IPO7: variants seen among roughly 807,000 people sequenced by gnomAD.
The protein encoded by IPO7 is importin-7.
IPO7 carries 13 observed loss-of-function variants against 136.4 expected under a neutral mutation model. The observed-to-expected ratio is 0.10, with a 90% CI of 0.06 to 0.15. The LOEUF (loss-of-function observed/expected upper bound fraction) is 0.15. Ranked by LOEUF, IPO7 falls within the 10% of genes least tolerant of loss-of-function variation. The probability of loss-of-function intolerance (pLI) is 1.00; values close to 1 mark genes in which losing one functional copy is unlikely to be tolerated. For missense variants in IPO7, 857 were observed against 1,240.6 expected (o/e 0.69, Z 4.65); for synonymous variants, 403 against 404.4 (o/e 1.00, Z 0.04).
At chr11:9,435,659 G>A (rs1379704202) in intron 19 of IPO7, among the ~76,000 whole-genome samples, 1 of 151,922 alleles carries the variant, frequency 6.6e-6, no homozygotes, top group Non-Finnish European at 1.5e-5. Flanking sequence ...TAATATTCTG[G>A]GAGCAGAGAT....
At chr11:9,390,122 C>G (rs545448353) in intron 1 of IPO7, among the ~76,000 whole-genome samples, 1 of 152,214 alleles carries the variant, frequency 6.6e-6, no homozygotes, top group African/African-American at 2.4e-5. Context: ...AACTCCTGAC[C>G]TCAGGTGATC....
intron 1 of IPO7, 143 bp downstream of exon 1, chr11:9,384,990 C>A: frequency 1.5e-6 from 1 of 650,260 alleles, no homozygotes; most frequent in South Asian, 1.9e-5. Flanking sequence ...ACGGCGACTT[C>A]CACGCCGGGG....
intron 23 of IPO7, among the ~76,000 whole-genome samples, chr11:9,441,007 T>G (rs1855453684): frequency 6.6e-6 from 1 of 152,238 alleles, no homozygotes; most frequent in South Asian, 2.1e-4. Context: ...TGTTATTATT[T>G]GTGTGTATCC....
intron 1 of IPO7, among the ~76,000 whole-genome samples, chr11:9,390,217 G>C (rs777762225): frequency 3.4e-4 from 51 of 152,066 alleles, no homozygotes; most frequent in Admixed American, 1.3e-3. Flanking sequence ...ACAGGCAGCA[G>C]TGCTACTTTC....
chr11:9,439,433 T>TA (rs1262998959), intron 22 of IPO7, among the ~76,000 whole-genome samples: 1 of 152,040 alleles, frequency 6.6e-6, no homozygotes, highest in South Asian at 2.1e-4. Flanking sequence ...CCCATTTCTT[T>TA]AAAAAAAGTT....
chr11:9,424,890 C>T (rs760880234), intron 10 of IPO7, 24 bp from the exon 11 acceptor site: 1 of 1,409,572 alleles, frequency 7.1e-7, no homozygotes, highest in Non-Finnish European at 9.9e-7. Context: ...TGTTTATTGT[C>T]TTAATTTTAA....
At chr11:9,407,735 G>A (rs925443157) in intron 2 of IPO7, among the ~76,000 whole-genome samples, 3 of 152,072 alleles carry the variant, frequency 2.0e-5, no homozygotes, top group Non-Finnish European at 4.4e-5. Flanking sequence ...AGAGAAGATC[G>A]AGTGTTTTGC....
At position 9,429,662 on chromosome 11, in the gene IPO7, T is replaced by C; in HGVS notation, c.1592-12T>C. On this transcript the variant is annotated splice_polypyrimidine_tract_variant and intron_variant, in intron 14 of 24. Coordinates refer to ENST00000379719, the MANE Select transcript of IPO7 (RefSeq NM_006391.3). ...GGGGTTTTACGCAAGTTTTTTACTC[T>C]TTCTCTTACAGCTAAAGAATATATC... The C allele has an allele frequency of 6.3e-7, 1 of 1,594,222 alleles. No individual in the cohort carries two copies. The highest frequency in any genetic ancestry group is 1.2e-5 in the South Asian group (1 of 86,536).
At chr11:9,392,494 G>T (rs1469054543) in intron 1 of IPO7, among the ~76,000 whole-genome samples, 1 of 151,942 alleles carries the variant, frequency 6.6e-6, no homozygotes, top group Non-Finnish European at 1.5e-5. Context: ...AACAAGAAAG[G>T]TTAGAAGTTC....
intron 1 of IPO7, among the ~76,000 whole-genome samples, chr11:9,402,399 CAAAAAAAAAAAAA>C (rs71062846): frequency 4.5e-5 from 2 of 44,898 alleles, no homozygotes; most frequent in African/African-American, 1.2e-4. Flanking sequence ...GACTGTGTCT[CAAAAAAAAAAAAA>C]AAAAAAAAAA....
chr11:9,422,018 G>A (rs952116942), intron 8 of IPO7, among the ~76,000 whole-genome samples: 69 of 152,082 alleles, frequency 4.5e-4, no homozygotes, highest in African/African-American at 1.6e-3. Context: ...GGTGGCTCAC[G>A]CCTATAATCC....
chr11:9,425,443 A>C (rs753214159), intron 12 of IPO7, 181 bp downstream of exon 12: 2 of 558,766 alleles, frequency 3.6e-6, no homozygotes, highest in Non-Finnish European at 6.3e-6. Context: ...CCCCATCTCT[A>C]TAAGGATAAA....
intron 1 of IPO7, among the ~76,000 whole-genome samples, chr11:9,392,642 A>G (rs1854652539): frequency 6.6e-6 from 1 of 152,084 alleles, no homozygotes; most frequent in Non-Finnish European, 1.5e-5. Flanking sequence ...TTCAATGGAG[A>G]GAAATAATAC....
At chr11:9,385,537 A>G (rs1854540915) in intron 1 of IPO7, among the ~76,000 whole-genome samples, 1 of 152,154 alleles carries the variant, frequency 6.6e-6, no homozygotes, top group Non-Finnish European at 1.5e-5. Context: ...GCACCCTTCT[A>G]GGTATAGCTG....
At position 9,408,562 on chromosome 11, in the gene IPO7, T is replaced by C. The variant is rs147672407; in HGVS notation, c.243T>C (p.Tyr81=). The change falls in exon 3 of 25, where the codon TAT becomes TAC. Residue 81 remains tyrosine (Y), a synonymous_variant. Transcript: ENST00000379719. ...CAGCACCAGGGGATATATCCCCTTATACTATTCCAGAAGAAGATCGCCATT... is the reference window on the plus strand; with the variant it reads ...CAGCACCAGGGGATATATCCCCTTACACTATTCCAGAAGAAGATCGCCATT... ...RETAPGDISP[Y]TIPEEDRHCI... is the part of the protein sequence containing the mutation. 2.4e-5 allele frequency: 39 copies of C among 1,610,826 alleles called. No homozygotes were observed. Among genetic ancestry groups the C allele is most frequent in the Middle Eastern group, 1.6e-4 (1 of 6,062 alleles).
intron 5 of IPO7, among the ~76,000 whole-genome samples, chr11:9,416,568 G>A (rs933864716): frequency 2.6e-5 from 4 of 152,072 alleles, no homozygotes; most frequent in Non-Finnish European, 4.4e-5. Flanking sequence ...TCCCAAATTG[G>A]ATAACTTTTT....
intron 9 of IPO7, among the ~76,000 whole-genome samples, chr11:9,423,419 T>G (rs1292978010): frequency 6.6e-6 from 1 of 152,216 alleles, no homozygotes; most frequent in Non-Finnish European, 1.5e-5. Flanking sequence ...TATCATGTAA[T>G]TTGGAGTAGC....
chr11:9,384,862 C>T lies in IPO7; in HGVS notation c.84+15C>T. ...AGCTCAATGAAGTAAGGACGCCCGG[C>T]TAGCGGTGGCGGCGGGCAGGCGGGT... On this transcript the variant is annotated intron_variant, in intron 1 of 24. Coordinates refer to ENST00000379719, the MANE Select transcript of IPO7 (RefSeq NM_006391.3). 1 of 1,580,102 alleles carries T rather than the reference C, an allele frequency of 6.3e-7. No individual in the cohort carries two copies.
In IPO7 at chr11:9,435,945, T is replaced by C. The variant is rs560433727; in HGVS notation, c.2173-326T>C. 1.8e-4 allele frequency among the ~76,000 whole-genome samples: 28 copies of C among 152,232 alleles called. 1 individual carries two copies. Among genetic ancestry groups the C allele is most frequent in the Non-Finnish European group, 3.2e-4 (22 of 68,042 alleles). On this transcript the variant is annotated intron_variant, in intron 19 of 24. Transcript: ENST00000379719. ...TTTACGTGAGAAAGGTTAGGTGTTT[T>C]AGCTACCACCTGTGTATGAGAAGTT... is the stretch of plus-strand genomic sequence containing the variant.
Sources: allele counts gnomAD v4.1 joint callset (sites outside exome capture counted in the v4.1 genomes callset), GRCh38; gene constraint gnomAD v4.1.1; transcripts MANE v1.5; gene names NCBI Gene and HGNC (gene_info 2026-07-23, HGNC 2026-07-21).